Variants in NFATC2 observed in about 807,000 individuals in gnomAD.
The protein encoded by NFATC2 is nuclear factor of activated T-cells, cytoplasmic 2.
Under a neutral mutation model 87.3 loss-of-function variants are expected in NFATC2, and 22 were observed. The observed-to-expected ratio is 0.25, with a 90% CI of 0.18 to 0.36. The LOEUF (loss-of-function observed/expected upper bound fraction) is 0.36, where lower values mean the gene tolerates loss of function less well. Ranked by LOEUF, NFATC2 falls within the 10% of genes least tolerant of loss-of-function variation. The pLI, the probability that NFATC2 is intolerant of heterozygous loss-of-function variation, is 1.00. For synonymous variants in NFATC2, 565 were observed against 542.2 expected (o/e 1.04, Z -0.58); for missense variants, 1,149 against 1,259.1 (o/e 0.91, Z 1.32).
intron 3 of NFATC2, among the ~76,000 whole-genome samples, chr20:51,511,198 C>A (rs1021499757): frequency 1.3e-5 from 2 of 152,250 alleles, no homozygotes; most frequent in Non-Finnish European, 2.9e-5. Flanking sequence ...CCCACCACCC[C>A]CTGTTGCTCC....
chr20:51,497,539 C>G (rs1482710462), intron 3 of NFATC2, among the ~76,000 whole-genome samples: 1 of 152,184 alleles, frequency 6.6e-6, no homozygotes, highest in Non-Finnish European at 1.5e-5. Flanking sequence ...TGTTCAATCC[C>G]TGCAAACAAG....
chr20:51,543,245 C>G (rs2076854643), upstream of NFATC2, among the ~76,000 whole-genome samples: 1 of 152,208 alleles, frequency 6.6e-6, no homozygotes, highest in African/African-American at 2.4e-5. Flanking sequence ...TACAGCTATG[C>G]CTCCTGGCCA....
chr20:51,422,593 G>C (rs1473341877), intron 9 of NFATC2, among the ~76,000 whole-genome samples: 2 of 148,680 alleles, frequency 1.3e-5, no homozygotes, highest in East Asian at 1.9e-4. Context: ...TTTCTGAAAG[G>C]GTGGAAACTA....
At chr20:51,535,101 C>T (rs1013996936) in intron 1 of NFATC2, among the ~76,000 whole-genome samples, 1 of 152,184 alleles carries the variant, frequency 6.6e-6, no homozygotes, top group Non-Finnish European at 1.5e-5. Flanking sequence ...GAGAACAGAC[C>T]TCAGAGTGGC....
At position 51,418,082 on chromosome 20, in the gene NFATC2, T is replaced by A. The variant is rs1157737249; in HGVS notation, c.2722+13985A>T. Among the ~76,000 whole-genome samples, 3 of 152,210 alleles carry A rather than the reference T, an allele frequency of 2.0e-5. No homozygotes were observed. The East Asian group carries it at 5.8e-4, about 29-fold the overall frequency. ...CAACATCTTCTGACCCTGGGGCCCC[T>A]GTCCTGGGTGCTGTACTAGGGAACA... On this transcript the variant is annotated intron_variant, in intron 9 of 10. Coordinates refer to ENST00000371564, the MANE Select transcript of NFATC2 (RefSeq NM_012340.5).
At chr20:51,409,714 C>A (rs539647109) in intron 9 of NFATC2, among the ~76,000 whole-genome samples, 6 of 152,216 alleles carry the variant, frequency 3.9e-5, no homozygotes, top group East Asian at 1.9e-4. Flanking sequence ...GACAGAGCCA[C>A]GTGTCAGACG....
intron 9 of NFATC2, among the ~76,000 whole-genome samples, chr20:51,421,055 T>C (rs1021631361): frequency 9.4e-5 from 13 of 138,864 alleles, no homozygotes; most frequent in African/African-American, 3.3e-4. Flanking sequence ...CTGGGCAACA[T>C]AGCAAGACCC....
chr20:51,519,516 C>T (rs551263377), intron 2 of NFATC2, among the ~76,000 whole-genome samples: 2 of 151,548 alleles, frequency 1.3e-5, no homozygotes, highest in African/African-American at 4.8e-5. Context: ...CCCAGCTACT[C>T]GGGAGGCTGA....
chr20:51,492,635 C>G (rs950699406), intron 3 of NFATC2, among the ~76,000 whole-genome samples: 1 of 152,202 alleles, frequency 6.6e-6, no homozygotes, highest in Non-Finnish European at 1.5e-5. Flanking sequence ...GGCTGGCACC[C>G]GCCCGGGCCC....
chr20:51,533,645 T>A (rs931918534), intron 1 of NFATC2, among the ~76,000 whole-genome samples: 1 of 152,230 alleles, frequency 6.6e-6, no homozygotes, highest in African/African-American at 2.4e-5. Flanking sequence ...AAGACAGCTG[T>A]CTGCCTTCCC....
intron 6 of NFATC2, among the ~76,000 whole-genome samples, chr20:51,436,967 G>A (rs1042621086): frequency 6.6e-6 from 1 of 152,092 alleles, no homozygotes. Context: ...AGAGCAGAAA[G>A]ACAGGGGCTC....
chr20:51,504,076 G>A (rs1380645785), intron 3 of NFATC2, among the ~76,000 whole-genome samples: 2 of 152,072 alleles, frequency 1.3e-5, no homozygotes, highest in Non-Finnish European at 2.9e-5. Flanking sequence ...AGGCTGGAGT[G>A]CAATGGCGCA....
At chr20:51,398,967 T>C in intron 9 of NFATC2, 1 of 462,914 alleles carries the variant, frequency 2.2e-6, no homozygotes, top group Non-Finnish European at 3.9e-6. Flanking sequence ...TTATGTGGGG[T>C]GTGGGATCAG....
intron 3 of NFATC2, among the ~76,000 whole-genome samples, chr20:51,499,091 G>A (rs928690339): frequency 6.6e-5 from 10 of 152,274 alleles, no homozygotes; most frequent in South Asian, 2.1e-4. Flanking sequence ...CCTGGTCCAC[G>A]GTGAGGAGCA....
intron 9 of NFATC2, among the ~76,000 whole-genome samples, chr20:51,407,696 G>T (rs1818838471): frequency 6.6e-6 from 1 of 152,180 alleles, no homozygotes; most frequent in Non-Finnish European, 1.5e-5. Context: ...GAGGCCCACA[G>T]CCCCTAGGGC....
At chr20:51,457,216 C>G (rs1027453750) in intron 5 of NFATC2, among the ~76,000 whole-genome samples, 12 of 152,248 alleles carry the variant, frequency 7.9e-5, no homozygotes, top group Non-Finnish European at 1.0e-4. Flanking sequence ...CAGGTTCAGG[C>G]TTTGAAGATC....
rs1235667752 is a variant in NFATC2, at chr20:51,524,164, C to T, written c.131-54G>A. 1 of 1,372,040 alleles carries T rather than the reference C, an allele frequency of 7.3e-7. No homozygotes were observed. Among genetic ancestry groups the T allele is most frequent in the East Asian group, 2.8e-5 (1 of 35,932 alleles). The allele number at this position is 1,372,040 out of a possible 1,614,324, so 85.0% of individuals were successfully genotyped here. ...TTTTAAGCCTCAAAAACAGAACTCC[C>T]GGTGCAGAGCAATCACAGGCTGGAT... On this transcript the variant is annotated intron_variant, in intron 1 of 10. Transcript: ENST00000371564. This position sits in a 1 kb window ranked among gnomAD's most constrained non-coding sequence, Gnocchi z 4.0.
intron 6 of NFATC2, among the ~76,000 whole-genome samples, chr20:51,452,424 G>C (rs73269958): frequency 6.6e-6 from 1 of 152,116 alleles, no homozygotes; most frequent in Non-Finnish European, 1.5e-5. Flanking sequence ...TGGGAGGTCG[G>C]AGCCAATTCC....
intron 9 of NFATC2, among the ~76,000 whole-genome samples, chr20:51,426,075 C>A (rs752036373): frequency 2.7e-4 from 41 of 152,278 alleles, no homozygotes; most frequent in Admixed American, 1.3e-4. Flanking sequence ...AGAAGCAGGG[C>A]ATGAGGGTGA....
Sources: gnomAD v4.1 joint callset for allele counts (sites outside exome capture counted in the v4.1 genomes callset) on GRCh38, gnomAD v4.1.1 for gene constraint, Gnocchi (gnomAD v3.1) non-coding constraint, MANE v1.5 for transcripts, NCBI Gene and HGNC (gene_info 2026-07-23, HGNC 2026-07-21) for gene names.